Variants in CBLB observed in about 807,000 individuals in gnomAD.
CBLB encodes E3 ubiquitin-protein ligase CBL-B.
A neutral mutation model predicts 104.9 loss-of-function variants in CBLB; 31 were observed. That is an observed-to-expected ratio of 0.30 (90% confidence interval 0.22 to 0.40). The LOEUF (loss-of-function observed/expected upper bound fraction) is 0.40, where lower values mean the gene tolerates loss of function less well. Among genes scored for constraint, CBLB ranks in the 10% least tolerant of loss-of-function variants. CBLB has a pLI of 1.00. For synonymous variants in CBLB, 440 were observed against 422.6 expected (o/e 1.04, Z -0.51); for missense variants, 1,062 against 1,214.6 (o/e 0.87, Z 1.87).
At chr3:105,788,479 G>T (rs1218221382) in intron 3 of CBLB, among the ~76,000 whole-genome samples, 1 of 152,144 alleles carries the variant, frequency 6.6e-6, no homozygotes, top group Non-Finnish European at 1.5e-5. Flanking sequence ...AATGTTTTAA[G>T]AAAGTTTACG....
At chr3:105,752,233 A>C (rs1020151374) in intron 4 of CBLB, among the ~76,000 whole-genome samples, 1 of 152,228 alleles carries the variant, frequency 6.6e-6, no homozygotes, top group African/African-American at 2.4e-5. Context: ...TTTATTCAAT[A>C]TTTATTACTT....
intron 3 of CBLB, among the ~76,000 whole-genome samples, chr3:105,852,691 C>T (rs1376767606): frequency 1.8e-5 from 2 of 110,808 alleles, no homozygotes; most frequent in African/African-American, 6.5e-5. Flanking sequence ...CTGGCAAGCT[C>T]CATGCATGTT....
chr3:105,751,328 T>G (rs548198446), intron 5 of CBLB, 134 bp downstream of exon 5: 1 of 740,614 alleles, frequency 1.4e-6, no homozygotes, highest in South Asian at 1.5e-5. Context: ...TACAGACTAA[T>G]AGGAATGACA....
At chr3:105,659,362 A>G (rs887389021) in intron 18 of CBLB, 133 bp from the exon 19 acceptor site, 3 of 951,150 alleles carry the variant, frequency 3.2e-6, no homozygotes, top group African/African-American at 3.3e-5. Context: ...CTTTTTTTCA[A>G]TTTTTCCATA....
intron 9 of CBLB, among the ~76,000 whole-genome samples, chr3:105,721,819 T>C (rs551526489): frequency 6.6e-6 from 1 of 152,220 alleles, no homozygotes; most frequent in East Asian, 1.9e-4. Flanking sequence ...AAAATCTTTC[T>C]CCTATAAAAA....
chr3:105,855,114 G>T (rs1001722017), intron 2 of CBLB, among the ~76,000 whole-genome samples: 5 of 152,110 alleles, frequency 3.3e-5, no homozygotes, highest in African/African-American at 1.2e-4. Flanking sequence ...ATTACTGTCA[G>T]CAATCCCAAT....
At chr3:105,827,458 T>C (rs977615479) in intron 3 of CBLB, among the ~76,000 whole-genome samples, 2 of 152,004 alleles carry the variant, frequency 1.3e-5, no homozygotes, top group Non-Finnish European at 2.9e-5. Flanking sequence ...ACTCATAAAC[T>C]CCCCAAGCAA....
rs756607467 is a variant in CBLB at position 105,693,475 on chromosome 3, C to G, written c.2054+19G>C. On this transcript the variant is annotated intron_variant, in intron 13 of 18. Transcript: ENST00000394030. ...TCTTGATGCATAGACAAGTGATCTC[C>G]AAATTCAACAAAACTCACTTTATGC... is the stretch of plus-strand genomic sequence containing the variant. The G allele has an allele frequency of 6.4e-7, 1 of 1,557,614 alleles. No individual in the cohort carries two copies. The highest frequency in any genetic ancestry group is 8.9e-7 in the Non-Finnish European group (1 of 1,129,462).
rs566559193 is a variant in CBLB, at chr3:105,850,935, A to G, written c.419+2479T>C. ...TGAAAAAGGGTAGAGCCACTTTGGA[A>G]CCAGTCAAGGGGTTTCTTACAAACT... On this transcript the variant is annotated intron_variant, in intron 3 of 18. Transcript: ENST00000394030. 2.0e-5 allele frequency among the ~76,000 whole-genome samples: 3 copies of G among 152,296 alleles called. No homozygotes were observed. In the South Asian group the frequency reaches 6.2e-4, roughly 32 times the overall value.
At chr3:105,705,865 G>A (rs2070039002) in intron 10 of CBLB, among the ~76,000 whole-genome samples, 1 of 152,348 alleles carries the variant, frequency 6.6e-6, no homozygotes, top group East Asian at 1.9e-4. Context: ...GCCAGCCCTG[G>A]TGGCTGATGC....
intron 18 of CBLB, among the ~76,000 whole-genome samples, chr3:105,660,357 T>TC (rs2063669940): frequency 6.6e-6 from 1 of 151,780 alleles, no homozygotes; most frequent in Non-Finnish European, 1.5e-5. Flanking sequence ...CTGGCTAATT[T>TC]TTTTTTTTTT....
At chr3:105,790,156 A>T (rs1205148185) in intron 3 of CBLB, among the ~76,000 whole-genome samples, 2 of 152,244 alleles carry the variant, frequency 1.3e-5, no homozygotes, top group African/African-American at 4.8e-5. Flanking sequence ...AAATAATTTT[A>T]AAAACAAATT....
intron 8 of CBLB, among the ~76,000 whole-genome samples, chr3:105,736,664 T>C (rs1286877411): frequency 6.6e-6 from 1 of 152,156 alleles, no homozygotes; most frequent in African/African-American, 2.4e-5. Flanking sequence ...CTATTACATA[T>C]ATAGAATTTA....
rs144258969 is a variant in CBLB, at chr3:105,681,582, G to A, written c.2325C>T (p.Pro775=). Residue 775 remains proline, a synonymous_variant, in exon 16 of 19, where the codon CCC becomes CCT. Transcript: ENST00000394030. ...GAGGCCTGGCAGGTGGTAATGGCAC[G>A]GGATCAGAGGCTGAATCAAAAACAT... ...KGDVFDSASD[P]VPLPPARPPT... is the part of the protein sequence containing the mutation. 18 of 1,613,922 alleles carry A rather than the reference G, an allele frequency of 1.1e-5. No homozygotes were observed. Among genetic ancestry groups the A allele is most frequent in the East Asian group, 2.2e-5 (1 of 44,872 alleles).
At chr3:105,778,779 T>A (rs1432495226) in intron 3 of CBLB, among the ~76,000 whole-genome samples, 2 of 152,210 alleles carry the variant, frequency 1.3e-5, no homozygotes, top group African/African-American at 4.8e-5. Flanking sequence ...CTTAATCAGT[T>A]GAATCTTTGA....
Position 105,819,663 on chromosome 3 carries a change from T to C in CBLB, c.419+33751A>G, listed in dbSNP as rs1049619886. Among the ~76,000 whole-genome samples the C allele has an allele frequency of 6.6e-5, 10 of 152,338 alleles. No homozygotes were observed. In the South Asian group the frequency reaches 2.1e-3, roughly 32 times the overall value. ...ATCATCAGAACTTTGCAGGAATTGA[T>C]AAGAAGCAAAATTCATTCAACGGAC... On this transcript the variant is annotated intron_variant, in intron 3 of 18. Transcript: ENST00000394030.
chr3:105,775,506 T>C (rs1676698390), intron 4 of CBLB, among the ~76,000 whole-genome samples: 1 of 152,138 alleles, frequency 6.6e-6, no homozygotes, highest in Non-Finnish European at 1.5e-5. Flanking sequence ...TGAGACAAGA[T>C]TAAAACAATA....
chr3:105,827,255 T>C (rs754683627), intron 3 of CBLB, among the ~76,000 whole-genome samples: 4 of 152,188 alleles, frequency 2.6e-5, no homozygotes, highest in Non-Finnish European at 5.9e-5. Flanking sequence ...AGTAACCTTC[T>C]GGACTGAAAA....
chr3:105,710,806 A>G (rs2070957240), intron 10 of CBLB, among the ~76,000 whole-genome samples: 1 of 151,952 alleles, frequency 6.6e-6, no homozygotes, highest in Non-Finnish European at 1.5e-5. Flanking sequence ...GGAAATTAAT[A>G]AATACTATTA....
Sources: gnomAD v4.1 joint callset for allele counts (sites outside exome capture counted in the v4.1 genomes callset) on GRCh38, gnomAD v4.1.1 for gene constraint, MANE v1.5 for transcripts, NCBI Gene and HGNC (gene_info 2026-07-23, HGNC 2026-07-21) for gene names.